Variants in PKIB observed in about 807,000 individuals in gnomAD.
PKIB encodes PKI-beta.
PKIB carries 2 observed loss-of-function variants against 4.5 expected under a neutral mutation model. The ratio of observed to expected loss-of-function variants is 0.44; its 90% confidence interval spans 0.18 to 1.39. The LOEUF (loss-of-function observed/expected upper bound fraction) is 1.39. PKIB is among the 40% of genes most tolerant of loss of function. The pLI is 0.27. For missense variants in PKIB, 94 were observed against 92.6 expected (o/e 1.02, Z -0.06); for synonymous variants, 38 against 36.0 (o/e 1.06, Z -0.20).
intron 2 of PKIB, among the ~76,000 whole-genome samples, chr6:122,498,850 A>G (rs1776147145): frequency 1.3e-5 from 2 of 152,218 alleles, no homozygotes; most frequent in African/African-American, 4.8e-5. Context: ...AGAAGATTCA[A>G]CTAAGCTTAA....
chr6:122,500,211 G>A (rs1365429769), intron 2 of PKIB, among the ~76,000 whole-genome samples: 2 of 151,898 alleles, frequency 1.3e-5, no homozygotes, highest in Admixed American at 6.6e-5. Flanking sequence ...GATGTCATTG[G>A]CTACCCAGTG....
At chr6:122,573,274 G>T (rs775850737) in intron 2 of PKIB, among the ~76,000 whole-genome samples, 11 of 152,076 alleles carry the variant, frequency 7.2e-5, no homozygotes, top group Middle Eastern at 6.8e-3. Context: ...ATCATGATTG[G>T]CTGGGCGCAG....
chr6:122,538,962 T>C (rs974484588), intron 2 of PKIB, among the ~76,000 whole-genome samples: 1 of 152,072 alleles, frequency 6.6e-6, no homozygotes, highest in Non-Finnish European at 1.5e-5. Flanking sequence ...GGGAGTTCAC[T>C]CGTGATTTGG....
chr6:122,488,710 A>G (rs2114532947), intron 2 of PKIB, among the ~76,000 whole-genome samples: 1 of 152,246 alleles, frequency 6.6e-6, no homozygotes, highest in Admixed American at 6.5e-5. Flanking sequence ...TACGTTAGAG[A>G]AGAATGATAC....
At chr6:122,618,113 C>T (rs1163439299) in intron 1 of PKIB, among the ~76,000 whole-genome samples, 2 of 152,048 alleles carry the variant, frequency 1.3e-5, no homozygotes, top group Non-Finnish European at 2.9e-5. Context: ...TGCTGAAAGG[C>T]TACATTCTAA....
chr6:122,657,751 G>GCTTTAAATTT (rs1474425436), intron 2 of PKIB, among the ~76,000 whole-genome samples: 1 of 152,130 alleles, frequency 6.6e-6, no homozygotes, highest in East Asian at 1.9e-4. Flanking sequence ...TGAAAGATAT[G>GCTTTAAATTT]GAAGCAATCC....
chr6:122,490,853 G>A (rs1775917447), intron 2 of PKIB, among the ~76,000 whole-genome samples: 1 of 152,184 alleles, frequency 6.6e-6, no homozygotes, highest in Admixed American at 6.5e-5. Context: ...CCCAGCTTTA[G>A]CCTCAGCTGA....
intron 3 of PKIB, among the ~76,000 whole-genome samples, chr6:122,715,212 A>G (rs1033706167): frequency 6.6e-6 from 1 of 152,070 alleles, no homozygotes; most frequent in Non-Finnish European, 1.5e-5. Context: ...AATATATAGC[A>G]TTTATTTAAA....
upstream of PKIB, among the ~76,000 whole-genome samples, chr6:122,607,973 T>G (rs1172987110): frequency 6.6e-6 from 1 of 152,242 alleles, no homozygotes; most frequent in Non-Finnish European, 1.5e-5. Context: ...ACTCACTCCT[T>G]TTTTCATTCT....
chr6:122,715,780 T>C (rs534537029), intron 3 of PKIB, among the ~76,000 whole-genome samples: 13 of 152,172 alleles, frequency 8.5e-5, no homozygotes, highest in African/African-American at 3.1e-4. Context: ...AAAGTAGCTT[T>C]AGATGGCTAA....
intron 2 of PKIB, among the ~76,000 whole-genome samples, chr6:122,652,186 AG>A (rs1388538940): frequency 3.9e-5 from 6 of 152,156 alleles, no homozygotes; most frequent in African/African-American, 1.4e-4. Context: ...GGGCTCCACC[AG>A]AAAAACAGAA....
chr6:122,566,610 ATTCCTCCC>A lies in PKIB; in HGVS notation c.-247-19293_-247-19286del, dbSNP rs746538665. The stretch of plus-strand genomic sequence containing the variant: ...AAAATTGTATTACCATTTTGAAATA[ATTCCTCCC>A]TTCCTCCCTTCCTCCCTCCCTCCCT... On this transcript the variant is annotated intron_variant, in intron 2 of 6. Transcript: ENST00000392491. 3.9e-4 allele frequency among the ~76,000 whole-genome samples: 59 copies of A among 150,864 alleles called. 1 individual carries two copies. The highest frequency in any genetic ancestry group is 3.4e-3 in the Middle Eastern group (1 of 292).
At chr6:122,556,370 C>A (rs769799939) in intron 2 of PKIB, among the ~76,000 whole-genome samples, 2 of 152,156 alleles carry the variant, frequency 1.3e-5, no homozygotes, top group Non-Finnish European at 2.9e-5. Context: ...ATACACAGGA[C>A]AAGTTACTGC....
chr6:122,553,877 C>T (rs962663283), intron 2 of PKIB, among the ~76,000 whole-genome samples: 1 of 152,090 alleles, frequency 6.6e-6, no homozygotes, highest in Non-Finnish European at 1.5e-5. Context: ...ACTGCACCAC[C>T]CTGCTATTTC....
At chr6:122,556,652 C>T (rs1035453217) in intron 2 of PKIB, among the ~76,000 whole-genome samples, 1 of 152,140 alleles carries the variant, frequency 6.6e-6, no homozygotes, top group African/African-American at 2.4e-5. Flanking sequence ...TGTATGGAAC[C>T]TCTGGCAGGT....
At chr6:122,636,942 T>A (rs1051049525) in intron 2 of PKIB, among the ~76,000 whole-genome samples, 1 of 152,196 alleles carries the variant, frequency 6.6e-6, no homozygotes, top group African/African-American at 2.4e-5. Context: ...AAAGACCACA[T>A]TTCATGTTGA....
intron 2 of PKIB, among the ~76,000 whole-genome samples, chr6:122,504,794 G>A (rs1372662047): frequency 6.6e-6 from 1 of 152,124 alleles, no homozygotes; most frequent in African/African-American, 2.4e-5. Context: ...AAAATGTGTT[G>A]GTTTAGAAAT....
At chr6:122,603,175 C>A (rs1774430621) in intron 3 of PKIB, among the ~76,000 whole-genome samples, 1 of 152,044 alleles carries the variant, frequency 6.6e-6, no homozygotes, top group Admixed American at 6.6e-5. Flanking sequence ...TTTTATAAGA[C>A]AACTTAACAT....
chr6:122,718,330 A>G (rs1779585249), intron 4 of PKIB, among the ~76,000 whole-genome samples: 1 of 152,172 alleles, frequency 6.6e-6, no homozygotes, highest in African/African-American at 2.4e-5. Flanking sequence ...CCATCCATTG[A>G]CAAATCACTT....
Sources: gnomAD v4.1 joint callset for allele counts (sites outside exome capture counted in the v4.1 genomes callset) on GRCh38, gnomAD v4.1.1 for gene constraint, MANE v1.5 for transcripts, NCBI Gene and HGNC (gene_info 2026-07-23, HGNC 2026-07-21) for gene names.